SLC25A38: variants seen among roughly 807,000 people sequenced by gnomAD.
SLC25A38 encodes the protein mitochondrial glycine transporter.
SLC25A38 carries 27 observed loss-of-function variants against 33.4 expected under a neutral mutation model. That is an observed-to-expected ratio of 0.81 (90% confidence interval 0.60 to 1.11). The LOEUF is 1.11. Ranked by LOEUF, SLC25A38 falls within the 50% of genes most tolerant of loss-of-function variation. SLC25A38 has a pLI of 0.00. For synonymous variants in SLC25A38, 123 were observed against 145.9 expected (o/e 0.84, Z 1.13); for missense variants, 344 against 388.8 (o/e 0.88, Z 0.97).
Position 39,389,675 on chromosome 3 carries a change from C to A in SLC25A38, c.191+59C>A. The A allele has an allele frequency of 6.2e-7, 1 of 1,612,084 alleles. No individual in the cohort carries two copies. Among genetic ancestry groups the A allele is most frequent in the Non-Finnish European group, 8.5e-7 (1 of 1,178,328 alleles). Reference sequence around the variant, plus strand: ...AGCAACTTCTCAGACACAGGAACATCTTTACTGTGTTAAGTCAACTTCCAT... The same window carrying A: ...AGCAACTTCTCAGACACAGGAACATATTTACTGTGTTAAGTCAACTTCCAT... On this transcript the variant is annotated intron_variant, in intron 2 of 6. Coordinates refer to ENST00000650617, the MANE Select transcript of SLC25A38 (RefSeq NM_017875.4). This position sits in a 1 kb window ranked among gnomAD's most constrained non-coding sequence, Gnocchi z 4.5.
At chr3:39,387,302 A>T (rs2041717436) in intron 1 of SLC25A38, among the ~76,000 whole-genome samples, 1 of 152,170 alleles carries the variant, frequency 6.6e-6, no homozygotes, top group African/African-American at 2.4e-5. Flanking sequence ...TACCTAGCTC[A>T]TAAGATGCTA....
At position 39,385,060 on chromosome 3, in the gene SLC25A38, C is replaced by G. The variant is rs571891113; in HGVS notation, c.69+1267C>G. ...CAAGTGATCCGTCTGCCTCGGCCTC[C>G]TAAAGTGCTAGGATTACAAGTGTGA... On this transcript the variant is annotated intron_variant, in intron 1 of 6. Transcript: ENST00000650617. Among the ~76,000 whole-genome samples, 200 of 152,286 alleles carry G rather than the reference C, an allele frequency of 1.3e-3. 6 individuals carry two copies. The South Asian group carries it at 0.041, about 31-fold the overall frequency.
rs538230212 is a variant in SLC25A38, at chr3:39,383,772, A to G, written c.48A>G (p.Gly16=). 2.3e-5 allele frequency: 37 copies of G among 1,614,026 alleles called. No individual in the cohort carries two copies. The highest frequency in any genetic ancestry group is 3.1e-5 in the Non-Finnish European group (36 of 1,180,016). Residue 16 remains glycine (G), a synonymous_variant, in exon 1 of 7, where the codon GGA becomes GGG. Coordinates refer to ENST00000650617, the MANE Select transcript of SLC25A38 (RefSeq NM_017875.4). ...RPSLLQPQDV[G]DTVETLMLHP... ...CGCTGCTGCAACCCCAAGATGTCGG[A>G]GACACGGTGGAAACGCTTATGGTGA...
rs966052441 is a variant in SLC25A38 at position 39,383,711 on chromosome 3, G to A, written c.-14G>A. ...GGCACCCTGGGCCCAGAGGACTCGCGGGCCTCATCTCCAATGATTCAGAAC... is the reference window on the plus strand; with the variant it reads ...GGCACCCTGGGCCCAGAGGACTCGCAGGCCTCATCTCCAATGATTCAGAAC... On this transcript the variant is annotated 5_prime_UTR_variant, in exon 1 of 7. Transcript: ENST00000650617. 6.2e-7 allele frequency: 1 copy of A among 1,614,032 alleles called. No homozygotes were observed. Among genetic ancestry groups the A allele is most frequent in the Non-Finnish European group, 8.5e-7 (1 of 1,179,932 alleles).
At chr3:39,394,920 C>G (rs1315359067) in intron 6 of SLC25A38, among the ~76,000 whole-genome samples, 1 of 151,708 alleles carries the variant, frequency 6.6e-6, no homozygotes, top group African/African-American at 2.4e-5. Flanking sequence ...GAAATTAGTA[C>G]TCTAATTGAG....
chr3:39,387,307 A>G (rs950975847), intron 1 of SLC25A38, among the ~76,000 whole-genome samples: 2 of 152,138 alleles, frequency 1.3e-5, no homozygotes, highest in East Asian at 3.9e-4. Flanking sequence ...AGCTCATAAG[A>G]TGCTATGAGA....
At chr3:39,394,322 T>G in intron 5 of SLC25A38, 88 bp from the exon 6 acceptor site, 1 of 1,527,876 alleles carries the variant, frequency 6.5e-7, no homozygotes, top group Non-Finnish European at 9.1e-7. Context: ...CTTTCTTGGT[T>G]TGGGGAAGAA....
chr3:39,386,998 G>A (rs550609875), intron 1 of SLC25A38, among the ~76,000 whole-genome samples: 15 of 152,284 alleles, frequency 9.9e-5, no homozygotes, highest in African/African-American at 3.6e-4. Flanking sequence ...CTTGGAAGTG[G>A]ATGAAGAGCC....
rs115383257 is a variant in SLC25A38 at position 39,384,000 on chromosome 3, G to C, written c.69+207G>C. 0.031 allele frequency among the ~76,000 whole-genome samples: 4,680 copies of C among 152,300 alleles called. 102 individuals are homozygous for C. The highest frequency in any genetic ancestry group is 0.044 in the Non-Finnish European group (2,993 of 68,006). On this transcript the variant is annotated intron_variant, in intron 1 of 6. Transcript: ENST00000650617. ...GCCAGGAGCTGCAGGCCAGCCCTGG[G>C]GGCAGGCGCTGTAGGGCCGATGTCC...
chr3:39,390,579 C>A, intron 3 of SLC25A38, 72 bp downstream of exon 3: 1 of 1,464,782 alleles, frequency 6.8e-7, no homozygotes, highest in Non-Finnish European at 9.6e-7. Flanking sequence ...ATCTACCTTA[C>A]CAGCTCTTAA....
Position 39,383,621 on chromosome 3 carries a change from C to A in SLC25A38, c.-104C>A. On this transcript the variant is annotated 5_prime_UTR_variant, in exon 1 of 7. Coordinates refer to ENST00000650617, the MANE Select transcript of SLC25A38 (RefSeq NM_017875.4). ...AGAGCCCGCGGCTTAAAGCGCGTCG[C>A]CTGGCTAGCGCCACCCCCTAGCCTT... 1.5e-6 allele frequency: 2 copies of A among 1,369,830 alleles called. No individual in the cohort carries two copies. The highest frequency in any genetic ancestry group is 2.1e-6 in the Non-Finnish European group (2 of 971,644). The allele number at this position is 1,369,830 out of a possible 1,614,324, so 84.9% of individuals were successfully genotyped here.
At chr3:39,384,463 C>G (rs1559390075) in intron 1 of SLC25A38, 2 of 381,870 alleles carry the variant, frequency 5.2e-6, no homozygotes, top group East Asian at 3.7e-5. Flanking sequence ...CTGCAGCTGC[C>G]GCAGCTCTCC....
At chr3:39,388,974 G>A (rs1415951271) in intron 1 of SLC25A38, among the ~76,000 whole-genome samples, 7 of 152,064 alleles carry the variant, frequency 4.6e-5, no homozygotes, top group Non-Finnish European at 1.0e-4. Flanking sequence ...GATGGTAAGG[G>A]GAAAGTTTTA....
chr3:39,396,575 G>A lies in SLC25A38; in HGVS notation c.*55G>A. ...TGTTGCCCTGCTTGGTTTCTGCCAAGGGCTGCTGCTTCTTACTATTCTGCA... is the reference window on the plus strand; with the variant it reads ...TGTTGCCCTGCTTGGTTTCTGCCAAAGGCTGCTGCTTCTTACTATTCTGCA... On this transcript the variant is annotated 3_prime_UTR_variant, in exon 7 of 7. Coordinates refer to ENST00000650617, the MANE Select transcript of SLC25A38 (RefSeq NM_017875.4). 6.2e-7 allele frequency: 1 copy of A among 1,612,798 alleles called. No homozygotes were observed. Among genetic ancestry groups the A allele is most frequent in the Non-Finnish European group, 8.5e-7 (1 of 1,179,822 alleles).
rs375690174 is a variant in SLC25A38, at chr3:39,392,027, G to C, written c.625+6G>C. On this transcript the variant is annotated splice_donor_region_variant and intron_variant, in intron 5 of 6. Coordinates refer to ENST00000650617, the MANE Select transcript of SLC25A38 (RefSeq NM_017875.4). ...CAAAAATATAGTGCCTCATGGTAGG[G>C]ATAAAGGAAGATCTGGGGAAGAGCT... The C allele has an allele frequency of 2.5e-5, 40 of 1,614,022 alleles. No individual in the cohort carries two copies. In the African/African-American group the frequency reaches 5.2e-4, roughly 21 times the overall value.
intron 1 of SLC25A38, among the ~76,000 whole-genome samples, chr3:39,387,157 T>G (rs1166983623): frequency 6.6e-6 from 1 of 152,170 alleles, no homozygotes; most frequent in Non-Finnish European, 1.5e-5. Flanking sequence ...GTATCCTGGA[T>G]TTTCACTTTA....
chr3:39,388,463 C>T (rs1020446948), intron 1 of SLC25A38: 2 of 152,064 alleles, frequency 1.3e-5, no homozygotes, highest in African/African-American at 4.8e-5. Flanking sequence ...ACAAATATTT[C>T]AGTTCCAGGT....
chr3:39,392,576 A>G (rs1041002844), intron 5 of SLC25A38, among the ~76,000 whole-genome samples: 4 of 152,060 alleles, frequency 2.6e-5, no homozygotes, highest in Non-Finnish European at 5.9e-5. Flanking sequence ...GGGGAGGCCC[A>G]CCCCACCCCA....
At chr3:39,392,468 G>A (rs1302032014) in intron 5 of SLC25A38, among the ~76,000 whole-genome samples, 1 of 151,980 alleles carries the variant, frequency 6.6e-6, no homozygotes, top group Non-Finnish European at 1.5e-5. Flanking sequence ...GGAGTTTAAA[G>A]AAAAATAATA....
Sources: gnomAD v4.1 joint callset for allele counts (sites outside exome capture counted in the v4.1 genomes callset) on GRCh38, gnomAD v4.1.1 for gene constraint, Gnocchi (gnomAD v3.1) non-coding constraint, MANE v1.5 for transcripts, NCBI Gene and HGNC (gene_info 2026-07-23, HGNC 2026-07-21) for gene names.